The following EPB41L3 variants were observed in gnomAD, a reference collection of about 807,000 sequenced individuals.
The protein encoded by EPB41L3 is band 4.1-like protein 3.
Under a neutral mutation model 127.1 loss-of-function variants are expected in EPB41L3, and 57 were observed. The observed-to-expected ratio is 0.45, with a 90% CI of 0.36 to 0.56. The LOEUF (loss-of-function observed/expected upper bound fraction) is 0.56. EPB41L3 is among the 20% of genes least tolerant of loss of function. EPB41L3 has a pLI of 0.00. For synonymous variants in EPB41L3, 572 were observed against 549.5 expected (o/e 1.04, Z -0.57); for missense variants, 1,273 against 1,372.2 (o/e 0.93, Z 1.14).
chr18:5,628,319 G>T (rs2094945694), intron 1 of EPB41L3, among the ~76,000 whole-genome samples: 1 of 152,266 alleles, frequency 6.6e-6, no homozygotes, highest in Non-Finnish European at 1.5e-5. Flanking sequence ...GTGGCTTCCA[G>T]CCCTCTCGCG....
upstream of EPB41L3, among the ~76,000 whole-genome samples, chr18:5,547,950 C>T (rs2093907905): frequency 6.6e-6 from 1 of 152,210 alleles, no homozygotes; most frequent in Non-Finnish European, 1.5e-5. Context: ...TGCTCTCAAA[C>T]ATGAAAATTG....
intron 3 of EPB41L3, among the ~76,000 whole-genome samples, chr18:5,591,717 T>C (rs1435400281): frequency 2.6e-5 from 4 of 152,218 alleles, no homozygotes; most frequent in Non-Finnish European, 5.9e-5. Context: ...GTAAAACATA[T>C]GAGAATCTCA....
In EPB41L3 at chr18:5,453,901, C is replaced by T. The variant is rs555396542; in HGVS notation, c.382-8657G>A. 3.9e-5 allele frequency among the ~76,000 whole-genome samples: 6 copies of T among 152,238 alleles called. No individual in the cohort carries two copies. The South Asian group carries it at 6.2e-4, about 16-fold the overall frequency. On this transcript the variant is annotated intron_variant, in intron 3 of 22. Transcript: ENST00000341928. Reference sequence around the variant, plus strand: ...GAATCTAACAAAATGTCATCTTTTTCCCCCCATGCTTCCTGCCCTAATTGC... The same window carrying T: ...GAATCTAACAAAATGTCATCTTTTTTCCCCCATGCTTCCTGCCCTAATTGC...
chr18:5,400,853 A>G, intron 16 of EPB41L3: 1 of 658,508 alleles, frequency 1.5e-6, no homozygotes, highest in Non-Finnish European at 2.6e-6. Context: ...TTATGTACCT[A>G]CCTTGGTTTT....
At chr18:5,613,184 C>G (rs1488332066) in intron 2 of EPB41L3, among the ~76,000 whole-genome samples, 1 of 152,138 alleles carries the variant, frequency 6.6e-6, no homozygotes, top group African/African-American at 2.4e-5. Context: ...GTTCAGTCAT[C>G]TCTTAAGGAA....
Position 5,400,417 on chromosome 18 carries a change from T to C in EPB41L3, c.2350-2274A>G, listed in dbSNP as rs1366185347. 16 of 389,496 alleles carry C rather than the reference T, an allele frequency of 4.1e-5. No individual in the cohort carries two copies. The Admixed American group carries it at 5.3e-4, about 13-fold the overall frequency. 24.1% of individuals were successfully genotyped at this position (389,496 alleles called of 1,614,324 possible). A position where few individuals can be genotyped will look rare whatever the true frequency, so the allele number is the denominator to read the frequency against. On this transcript the variant is annotated intron_variant, in intron 16 of 22. Transcript: ENST00000341928. ...CAGCCTGAAAACTTAAATCTAGAAATACGTGTGCCTTTAAAAATACCACTA... is the reference window on the plus strand; with the variant it reads ...CAGCCTGAAAACTTAAATCTAGAAACACGTGTGCCTTTAAAAATACCACTA...
At chr18:5,542,119 T>C (rs2093747533) in intron 1 of EPB41L3, among the ~76,000 whole-genome samples, 1 of 152,254 alleles carries the variant, frequency 6.6e-6, no homozygotes, top group African/African-American at 2.4e-5. Flanking sequence ...CTAAAGTTTT[T>C]AAAGTTTGAT....
rs1261038430 is a variant in EPB41L3 at position 5,393,230 on chromosome 18, A to G, written c.*255T>C. 1 of 414,468 alleles carries G rather than the reference A, an allele frequency of 2.4e-6. No individual in the cohort carries two copies. The highest frequency in any genetic ancestry group is 3.6e-5 in the East Asian group (1 of 27,470). The allele number at this position is 414,468 out of a possible 1,614,324, so 25.7% of individuals were successfully genotyped here. Reference sequence around the variant, plus strand: ...AAAACTGAGACATTTTGTGAAAATTAAAAATGCTGCTCTTTTGTAATTTTA... The same window carrying G: ...AAAACTGAGACATTTTGTGAAAATTGAAAATGCTGCTCTTTTGTAATTTTA... On this transcript the variant is annotated 3_prime_UTR_variant, in exon 23 of 23. Coordinates refer to ENST00000341928, the MANE Select transcript of EPB41L3 (RefSeq NM_012307.5).
chr18:5,476,206 G>A (rs1281771838), intron 3 of EPB41L3, among the ~76,000 whole-genome samples: 1 of 151,900 alleles, frequency 6.6e-6, no homozygotes, highest in Non-Finnish European at 1.5e-5. Context: ...TGTCAGCCGT[G>A]AACATGTATT....
At chr18:5,470,843 T>C (rs2085999545) in intron 3 of EPB41L3, among the ~76,000 whole-genome samples, 1 of 152,196 alleles carries the variant, frequency 6.6e-6, no homozygotes, top group Non-Finnish European at 1.5e-5. Context: ...ACTGGGGTCA[T>C]GGGGCACCAG....
intron 1 of EPB41L3, among the ~76,000 whole-genome samples, chr18:5,619,790 G>A (rs1373404792): frequency 6.6e-6 from 1 of 152,090 alleles, no homozygotes; most frequent in East Asian, 1.9e-4. Flanking sequence ...GCTTTGAAAA[G>A]ATTACCCAGA....
chr18:5,512,911 A>G (rs1017502152), intron 1 of EPB41L3, among the ~76,000 whole-genome samples: 7 of 152,168 alleles, frequency 4.6e-5, no homozygotes, highest in Non-Finnish European at 8.8e-5. Flanking sequence ...AGCCCTGCCT[A>G]TATGTAAATG....
chr18:5,509,254 C>T (rs1250528023), intron 1 of EPB41L3, among the ~76,000 whole-genome samples: 1 of 152,106 alleles, frequency 6.6e-6, no homozygotes, highest in African/African-American at 2.4e-5. Context: ...CTCACCTGGC[C>T]CAAACAACAC....
At chr18:5,623,220 G>C (rs911268691) in intron 1 of EPB41L3, among the ~76,000 whole-genome samples, 8 of 152,092 alleles carry the variant, frequency 5.3e-5, no homozygotes, top group Non-Finnish European at 1.0e-4. Context: ...ATAGTGGATA[G>C]CCAACATCTT....
At chr18:5,491,021 T>C (rs2090531738) in intron 1 of EPB41L3, among the ~76,000 whole-genome samples, 1 of 152,224 alleles carries the variant, frequency 6.6e-6, no homozygotes, top group African/African-American at 2.4e-5. Flanking sequence ...CATCTTCTTT[T>C]GGTAACTAAG....
chr18:5,494,428 C>T (rs921804193), intron 1 of EPB41L3, among the ~76,000 whole-genome samples: 4 of 152,134 alleles, frequency 2.6e-5, no homozygotes, highest in African/African-American at 9.7e-5. Flanking sequence ...AAGGCCAAGT[C>T]GGGTGGATCC....
At chr18:5,537,070 C>T (rs570468669) in intron 1 of EPB41L3, among the ~76,000 whole-genome samples, 10 of 152,206 alleles carry the variant, frequency 6.6e-5, no homozygotes, top group South Asian at 4.1e-4. Context: ...ATTTTATAAA[C>T]GAGCAAACAG....
In EPB41L3 at chr18:5,543,699, T is replaced by C. The variant is rs2093814954; in HGVS notation, c.-12+214A>G. ...CGGGCGGGGGGCGCGGCGCGCAGGC[T>C]CGGCCCGGTGGGGGTCCCGGCGAGC... On this transcript the variant is annotated intron_variant, in intron 1 of 22. Transcript: ENST00000341928. This position sits in a 1 kb window ranked among gnomAD's most constrained non-coding sequence, Gnocchi z 5.2. Among the ~76,000 whole-genome samples the C allele has an allele frequency of 7.0e-6, 1 of 143,068 alleles. No individual in the cohort carries two copies. Among genetic ancestry groups the C allele is most frequent in the Non-Finnish European group, 1.5e-5 (1 of 64,968 alleles). The allele number at this position is 143,068 out of a possible 152,430, so 93.9% of individuals were successfully genotyped here. A position where few individuals can be genotyped will look rare whatever the true frequency, so the allele number is the denominator to read the frequency against.
intron 1 of EPB41L3, among the ~76,000 whole-genome samples, chr18:5,497,847 G>T (rs943883660): frequency 6.6e-6 from 1 of 152,170 alleles, no homozygotes; most frequent in Admixed American, 6.5e-5. Flanking sequence ...TAGAGAATGT[G>T]CTTCTAGACT....
Sources: gnomAD v4.1 joint callset for allele counts (sites outside exome capture counted in the v4.1 genomes callset) on GRCh38, gnomAD v4.1.1 for gene constraint, Gnocchi (gnomAD v3.1) non-coding constraint, MANE v1.5 for transcripts, NCBI Gene and HGNC (gene_info 2026-07-23, HGNC 2026-07-21) for gene names.